The following PISD variants were observed in gnomAD, a reference collection of about 807,000 sequenced individuals.
PISD encodes the protein phosphatidylserine decarboxylase proenzyme, mitochondrial.
A neutral mutation model predicts 43.5 loss-of-function variants in PISD; 31 were observed. The observed-to-expected ratio is 0.71, with a 90% confidence interval of 0.54 to 0.96. The LOEUF is 0.96. Among genes scored for constraint, PISD ranks in the 40% least tolerant of loss-of-function variants. The pLI is 0.00. For missense variants in PISD, 523 were observed against 548.4 expected, an observed-to-expected ratio of 0.95 and a Z score of 0.46; for synonymous variants, 259 against 228.7, an observed-to-expected ratio of 1.13 and a Z score of -1.20.
intron 3 of PISD, chr22:31,638,331 C>T: frequency 1.0e-6 from 1 of 983,024 alleles, no homozygotes; most frequent in Non-Finnish European, 1.2e-6. Context: ...GACGGCCACC[C>T]CTGCTGTCAA....
chr22:31,640,492 G>A (rs2073660537), intron 3 of PISD, among the ~76,000 whole-genome samples: 1 of 151,332 alleles, frequency 6.6e-6, no homozygotes, highest in South Asian at 2.1e-4. Context: ...CACCACTCCA[G>A]GCCTCAAGCT....
intron 3 of PISD, among the ~76,000 whole-genome samples, 185 bp downstream of exon 3, chr22:31,647,916 A>C (rs552085227): frequency 6.6e-6 from 1 of 152,360 alleles, no homozygotes; most frequent in East Asian, 1.9e-4. Context: ...AAGGTCTGGC[A>C]ACAGAAGACA....
intron 3 of PISD, among the ~76,000 whole-genome samples, chr22:31,636,602 C>T (rs1601386955): frequency 2.0e-5 from 3 of 150,212 alleles, no homozygotes; most frequent in Non-Finnish European, 4.4e-5. Context: ...TGCAGTGGCA[C>T]GATCTCGGCT....
In PISD at chr22:31,620,985, C is replaced by T; in HGVS notation, c.844+11G>A. The T allele has an allele frequency of 4.4e-6, 7 of 1,607,836 alleles. No individual in the cohort carries two copies. Among genetic ancestry groups the T allele is most frequent in the Non-Finnish European group, 5.9e-6 (7 of 1,177,554 alleles). ...CAGAGGCAGCTCCCCCCACGCTGGC[C>T]CCGGGCTGACCTGGGAAGTGGCGCC... On this transcript the variant is annotated intron_variant, in intron 6 of 7. Transcript: ENST00000439502.
At chr22:31,628,930 C>T (rs2073053576) in intron 3 of PISD, 1 of 985,304 alleles carries the variant, frequency 1.0e-6, no homozygotes, top group Non-Finnish European at 1.2e-6. Context: ...ATAAGAGGGG[C>T]TTAGGTGGCA....
chr22:31,657,042 C>T (rs1015907486), intron 1 of PISD, among the ~76,000 whole-genome samples: 1 of 152,168 alleles, frequency 6.6e-6, no homozygotes, highest in Non-Finnish European at 1.5e-5. Context: ...GATACAGGCA[C>T]GCAATATGGA....
chr22:31,620,810 G>C (rs565499595), intron 6 of PISD, 97 bp from the exon 7 acceptor site: 1 of 1,491,846 alleles, frequency 6.7e-7, no homozygotes, highest in East Asian at 2.3e-5. Context: ...CTGTTGCCCC[G>C]ATGTCACTCC....
At chr22:31,626,008 G>A (rs1302246408) in intron 3 of PISD, 2 of 1,443,496 alleles carry the variant, frequency 1.4e-6, no homozygotes, top group African/African-American at 2.9e-5. Flanking sequence ...GCAGAATAGA[G>A]GGTCAGGGCT....
intron 3 of PISD, among the ~76,000 whole-genome samples, chr22:31,640,199 CT>C (rs35782790): frequency 2.3e-3 from 323 of 139,258 alleles, no homozygotes; most frequent in East Asian, 0.012. Flanking sequence ...TTTCAAGCTA[CT>C]TTTTTTTTTT....
chr22:31,629,767 C>T (rs1227537729), intron 3 of PISD: 3 of 152,220 alleles, frequency 2.0e-5, no homozygotes, highest in Non-Finnish European at 4.4e-5. Context: ...AGGGATATGG[C>T]ACTGTCACCT....
rs771449559 is a variant in PISD at position 31,621,136 on chromosome 22, G to T, written c.704C>A (p.Ser235Ter). ...TEDLPFPPAA[S>*]CDSFKNQLVT... ...CAGCTGGTTCTTGAAGGAGTCACAC[G>T]ACGCGGCTGTGGAGTAGGAGCAGAC... Residue 235 changes from serine (S) to a stop codon, truncating the protein, a stop_gained, in exon 6 of 8, where the codon TCG becomes TAG. Coordinates refer to ENST00000439502, the MANE Select transcript of PISD (RefSeq NM_001326411.2). LOFTEE classifies it high-confidence loss of function. 1 of 1,614,056 alleles carries T rather than the reference G, an allele frequency of 6.2e-7. No individual in the cohort carries two copies. Among genetic ancestry groups the T allele is most frequent in the Admixed American group, 1.7e-5 (1 of 60,004 alleles).
At chr22:31,635,825 G>C (rs1373406268) in intron 3 of PISD, among the ~76,000 whole-genome samples, 1 of 152,224 alleles carries the variant, frequency 6.6e-6, no homozygotes, top group Admixed American at 6.5e-5. Context: ...CACTACAGGA[G>C]TTCAGGTGGC....
At chr22:31,658,726 TCTCA>T (rs1170742357) in intron 1 of PISD, among the ~76,000 whole-genome samples, 1 of 151,762 alleles carries the variant, frequency 6.6e-6, no homozygotes, top group African/African-American at 2.4e-5. Context: ...GGAGAGGAGG[TCTCA>T]CTATGTTGCT....
intron 3 of PISD, among the ~76,000 whole-genome samples, chr22:31,643,406 G>T (rs767327587): frequency 1.3e-5 from 2 of 152,100 alleles, no homozygotes; most frequent in Admixed American, 1.3e-4. Flanking sequence ...CTCTTATACC[G>T]TAAATAAAAA....
At chr22:31,644,971 A>T (rs996325452) in intron 3 of PISD, among the ~76,000 whole-genome samples, 11 of 152,020 alleles carry the variant, frequency 7.2e-5, no homozygotes, top group Non-Finnish European at 1.5e-5. Context: ...AAAAATACAA[A>T]AATTAGCTGG....
chr22:31,643,461 C>A (rs1314750848), intron 3 of PISD, among the ~76,000 whole-genome samples: 2 of 151,818 alleles, frequency 1.3e-5, no homozygotes, highest in Admixed American at 6.6e-5. Flanking sequence ...ACTACCCTGG[C>A]GAAGTGGCAC....
Position 31,661,484 on chromosome 22 carries a change from G to A in PISD, c.65+660C>T, listed in dbSNP as rs1454142440. On this transcript the variant is annotated intron_variant, in intron 1 of 7. Transcript: ENST00000439502. ...CGGCGGGCAGCCTGAGAGAAAGATC[G>A]TCGCGTGAGGGGGTACCTTGATGGG... Among the ~76,000 whole-genome samples the A allele has an allele frequency of 5.9e-5, 9 of 152,142 alleles. No homozygotes were observed. In the East Asian group the frequency reaches 1.7e-3, roughly 29 times the overall value.
intron 7 of PISD, 96 bp downstream of exon 7, chr22:31,620,457 G>C: frequency 7.9e-7 from 1 of 1,264,656 alleles, no homozygotes; most frequent in Non-Finnish European, 1.1e-6. Context: ...GGCCTCCCTA[G>C]AATTCAGTCC....
chr22:31,632,561 T>C (rs1040590065), intron 3 of PISD, among the ~76,000 whole-genome samples: 1 of 152,124 alleles, frequency 6.6e-6, no homozygotes, highest in African/African-American at 2.4e-5. Flanking sequence ...TACCCTAGTT[T>C]CCTCCACATC....
Sources: allele counts gnomAD v4.1 joint callset (sites outside exome capture counted in the v4.1 genomes callset), GRCh38; gene constraint gnomAD v4.1.1; transcripts MANE v1.5; gene names NCBI Gene and HGNC (gene_info 2026-07-23, HGNC 2026-07-21).